The following PLXNA4 variants were observed in gnomAD, a reference collection of about 807,000 sequenced individuals.
The protein encoded by PLXNA4 is plexin-A4.
Under a neutral mutation model 191.8 loss-of-function variants are expected in PLXNA4, and 44 were observed. The observed-to-expected ratio is 0.23, with a 90% CI of 0.18 to 0.29. The LOEUF (loss-of-function observed/expected upper bound fraction) is 0.29, where lower values mean the gene tolerates loss of function less well. Among genes scored for constraint, PLXNA4 ranks in the 10% least tolerant of loss-of-function variants. PLXNA4 has a pLI of 1.00. For missense variants in PLXNA4, 1,800 were observed against 2,488.8 expected (o/e 0.72, Z 5.89); for synonymous variants, 1,082 against 1,009.5 (o/e 1.07, Z -1.36).
intron 3 of PLXNA4, among the ~76,000 whole-genome samples, chr7:132,365,364 T>TGCGTGCGTGCGCGC (rs144384812): frequency 2.0e-5 from 3 of 147,212 alleles, no homozygotes; most frequent in Admixed American, 2.0e-4. Flanking sequence ...TGTGTGTGCG[T>TGCGTGCGTGCGCGC]GCGCGCGCAT....
intron 1 of PLXNA4, among the ~76,000 whole-genome samples, chr7:132,512,668 C>T (rs926380914): frequency 1.3e-5 from 2 of 152,180 alleles, no homozygotes; most frequent in Middle Eastern, 3.2e-3. Flanking sequence ...AGAGGTGACA[C>T]CCCGCCGAGC....
At chr7:132,258,087 TCCTGGCCTGGAAGGCCAC>T (rs1799494876) in intron 4 of PLXNA4, among the ~76,000 whole-genome samples, 1 of 152,222 alleles carries the variant, frequency 6.6e-6, no homozygotes, top group Admixed American at 6.5e-5. Context: ...TCTGCAAGAC[TCCTGGCCTGGAAGGCCAC>T]CCTGGTCTGC....
In PLXNA4 at chr7:132,194,088, G is replaced by A. The variant is rs369424457; in HGVS notation, c.2830C>T (p.Arg944Trp). Reference sequence around the variant, plus strand: ...ATGAAGTAATAGAGCTGTGAGGACCGGGCCATGAATTCAGGCCGACACACA... The same window carrying A: ...ATGAAGTAATAGAGCTGTGAGGACCAGGCCATGAATTCAGGCCGACACACA... ...VAVCRPEFMA[R>W]SSQLYYFMTL... The change falls in exon 14 of 32, where the codon CGG (arginine) becomes TGG (tryptophan). Residue 944 changes from arginine (R) to tryptophan (W), a missense_variant. Arg to Trp is a moderately radical substitution (Grantham distance 101). Around this residue, in one of 6 missense-constraint regions of PLXNA4, gnomAD observed 1,397 missense variants for 1,880.4 expected, o/e 0.74. Coordinates refer to ENST00000321063, the MANE Select transcript of PLXNA4 (RefSeq NM_020911.2). The A allele has an allele frequency of 2.6e-5, 42 of 1,613,922 alleles. No individual in the cohort carries two copies. Among genetic ancestry groups the A allele is most frequent in the East Asian group, 4.5e-5 (2 of 44,894 alleles).
At chr7:132,383,010 C>T (rs898559437) in intron 3 of PLXNA4, among the ~76,000 whole-genome samples, 1 of 152,090 alleles carries the variant, frequency 6.6e-6, no homozygotes, top group Non-Finnish European at 1.5e-5. Flanking sequence ...TTCCTTTGTA[C>T]TTCTTCTGTA....
chr7:132,438,481 A>G (rs1297584545), intron 3 of PLXNA4, among the ~76,000 whole-genome samples: 1 of 152,248 alleles, frequency 6.6e-6, no homozygotes, highest in Admixed American at 6.5e-5. Context: ...GCCACAGTTC[A>G]TATTACCCAG....
chr7:132,401,995 GC>G (rs1794006221), intron 3 of PLXNA4, among the ~76,000 whole-genome samples: 1 of 152,108 alleles, frequency 6.6e-6, no homozygotes, highest in East Asian at 1.9e-4. Flanking sequence ...ATGTCACTTT[GC>G]CTGACTGCAC....
intron 1 of PLXNA4, among the ~76,000 whole-genome samples, chr7:132,566,023 G>A (rs1234007550): frequency 2.0e-5 from 3 of 152,200 alleles, no homozygotes; most frequent in Non-Finnish European, 4.4e-5. Context: ...TCATTTCTCT[G>A]ATTCCTATAA....
chr7:132,196,303 C>T (rs913084568), intron 13 of PLXNA4, among the ~76,000 whole-genome samples: 1 of 152,224 alleles, frequency 6.6e-6, no homozygotes, highest in African/African-American at 2.4e-5. Context: ...TGTGTAATAT[C>T]CAGTGTCAAC....
intron 3 of PLXNA4, among the ~76,000 whole-genome samples, chr7:132,349,765 C>T (rs1585022093): frequency 6.6e-6 from 1 of 152,078 alleles, no homozygotes; most frequent in Non-Finnish European, 1.5e-5. Context: ...GCTTTTCACC[C>T]CTTGCTGCTT....
At chr7:132,561,382 TCTTCC>T (rs1429708085) in intron 1 of PLXNA4, among the ~76,000 whole-genome samples, 4 of 137,154 alleles carry the variant, frequency 2.9e-5, no homozygotes, top group African/African-American at 1.2e-4. Flanking sequence ...CTCCTCCTCC[TCTTCC>T]TCCTCCTCCT....
chr7:132,328,023 A>T (rs1321871936), intron 3 of PLXNA4, among the ~76,000 whole-genome samples: 1 of 152,146 alleles, frequency 6.6e-6, no homozygotes, highest in East Asian at 1.9e-4. Flanking sequence ...TCCAGTCCCC[A>T]TGGAAAGGGT....
intron 3 of PLXNA4, 69 bp downstream of exon 3, chr7:132,489,223 A>C (rs1362692282): frequency 6.8e-7 from 1 of 1,465,982 alleles, no homozygotes; most frequent in South Asian, 1.4e-5. Flanking sequence ...AAAAGATGTA[A>C]GATAACATCC....
intron 16 of PLXNA4, 44 bp downstream of exon 16, chr7:132,185,255 A>T (rs761312667): frequency 6.4e-7 from 1 of 1,566,848 alleles, no homozygotes; most frequent in Non-Finnish European, 8.6e-7. Context: ...GGGAAGGGAA[A>T]CAGAGGTGCA....
intron 1 of PLXNA4, among the ~76,000 whole-genome samples, chr7:132,558,338 G>A (rs1489009083): frequency 6.6e-6 from 1 of 152,194 alleles, no homozygotes; most frequent in African/African-American, 2.4e-5. Flanking sequence ...ATTTGGTCAT[G>A]TGATATTCTG....
chr7:132,162,333 C>T (rs1047307959), intron 24 of PLXNA4, among the ~76,000 whole-genome samples: 1 of 152,224 alleles, frequency 6.6e-6, no homozygotes, highest in African/African-American at 2.4e-5. Flanking sequence ...CCTCACTGCT[C>T]CTGTCCTCAA....
chr7:132,610,575 G>C (rs539163030), intron 2 of PLXNA4, among the ~76,000 whole-genome samples: 1 of 152,340 alleles, frequency 6.6e-6, no homozygotes, highest in Non-Finnish European at 1.5e-5. Flanking sequence ...TCTCTCTGCT[G>C]TCTGCAGCAA....
chr7:132,485,919 G>A (rs1797541741), intron 3 of PLXNA4, among the ~76,000 whole-genome samples: 1 of 152,114 alleles, frequency 6.6e-6, no homozygotes, highest in Non-Finnish European at 1.5e-5. Flanking sequence ...GCAAATGATT[G>A]GGACTCATGC....
At chr7:132,423,870 C>T (rs1400849782) in intron 3 of PLXNA4, among the ~76,000 whole-genome samples, 1 of 152,196 alleles carries the variant, frequency 6.6e-6, no homozygotes, top group African/African-American at 2.4e-5. Context: ...ACACTACAGC[C>T]ACCACCATCG....
chr7:132,631,563 G>C (rs1421313954), intron 2 of PLXNA4, among the ~76,000 whole-genome samples: 1 of 152,090 alleles, frequency 6.6e-6, no homozygotes, highest in Non-Finnish European at 1.5e-5. Flanking sequence ...TGCTCTAGAT[G>C]GTACCCCAGG....
Sources: gnomAD v4.1 joint callset for allele counts (sites outside exome capture counted in the v4.1 genomes callset) on GRCh38, gnomAD v4.1.1 for gene constraint, gnomAD v4.1.1 regional missense constraint, MANE v1.5 for transcripts, NCBI Gene and HGNC (gene_info 2026-07-23, HGNC 2026-07-21) for gene names.